The following TMCC1 variants were observed in gnomAD, a reference collection of about 807,000 sequenced individuals.
The protein encoded by TMCC1 is transmembrane and coiled-coil domains protein 1.
In TMCC1, 15 loss-of-function variants were observed where a neutral mutation model predicts 52.4. The observed-to-expected ratio is 0.29, with a 90% CI of 0.19 to 0.44. The LOEUF (loss-of-function observed/expected upper bound fraction) is 0.44. Ranked by LOEUF, TMCC1 falls within the 20% of genes least tolerant of loss-of-function variation. The probability of loss-of-function intolerance (pLI) is 1.00; values close to 1 mark genes in which losing one functional copy is unlikely to be tolerated. For missense variants in TMCC1, 503 were observed against 806.0 expected (o/e 0.62, Z 4.55); for synonymous variants, 279 against 301.9 (o/e 0.92, Z 0.79).
intron 4 of TMCC1, among the ~76,000 whole-genome samples, chr3:129,700,235 T>TA (rs201086532): frequency 1.8e-4 from 27 of 149,694 alleles, no homozygotes; most frequent in South Asian, 1.1e-3. Flanking sequence ...AAAAGAAAAT[T>TA]AAAAAAAAAA....
intron 4 of TMCC1, among the ~76,000 whole-genome samples, chr3:129,725,108 C>A (rs1369114301): frequency 6.6e-6 from 1 of 152,152 alleles, no homozygotes; most frequent in East Asian, 1.9e-4. Flanking sequence ...GATAATCATA[C>A]AATTTCATTT....
chr3:129,856,828 T>C (rs746606734), intron 2 of TMCC1, among the ~76,000 whole-genome samples: 31 of 151,954 alleles, frequency 2.0e-4, no homozygotes, highest in Non-Finnish European at 3.5e-4. Context: ...AAAAGAAGAG[T>C]AAATATGTTG....
intron 2 of TMCC1, among the ~76,000 whole-genome samples, chr3:129,854,589 A>T (rs1286437000): frequency 6.6e-6 from 1 of 151,898 alleles, no homozygotes; most frequent in Non-Finnish European, 1.5e-5. Context: ...TGTTCAAGCC[A>T]TGCTAGCCTT....
chr3:129,775,399 C>T (rs939677438), intron 4 of TMCC1, among the ~76,000 whole-genome samples: 3 of 151,970 alleles, frequency 2.0e-5, no homozygotes, highest in African/African-American at 7.3e-5. Context: ...CCCAAGAGTT[C>T]AAGGCTGCAG....
chr3:129,683,974 C>T (rs1261454433), intron 4 of TMCC1, among the ~76,000 whole-genome samples: 2 of 152,090 alleles, frequency 1.3e-5, no homozygotes, highest in Non-Finnish European at 2.9e-5. Context: ...GCTTTTTGTA[C>T]AACAGAATAA....
intron 4 of TMCC1, among the ~76,000 whole-genome samples, chr3:129,714,167 G>A (rs917136690): frequency 6.6e-6 from 1 of 152,142 alleles, no homozygotes; most frequent in Non-Finnish European, 1.5e-5. Flanking sequence ...AACTTCAACT[G>A]GGCATGAAAA....
intron 4 of TMCC1, among the ~76,000 whole-genome samples, chr3:129,787,144 ATTAG>A (rs2056096376): frequency 6.6e-6 from 1 of 152,218 alleles, no homozygotes; most frequent in South Asian, 2.1e-4. Flanking sequence ...ACAAAGGGAT[ATTAG>A]ATAATTCTTT....
intron 5 of TMCC1, among the ~76,000 whole-genome samples, chr3:129,658,884 C>T (rs1323716300): frequency 6.6e-6 from 1 of 152,036 alleles, no homozygotes; most frequent in Non-Finnish European, 1.5e-5. Context: ...TTAGAAAGAA[C>T]TTTCTAATAG....
intron 4 of TMCC1, among the ~76,000 whole-genome samples, chr3:129,783,559 A>G (rs2055721300): frequency 7.8e-6 from 1 of 128,546 alleles, no homozygotes; most frequent in African/African-American, 2.8e-5. Context: ...ACCAAAATAG[A>G]AAAAAAAAAG....
At chr3:129,863,106 C>A (rs915936360) in intron 2 of TMCC1, among the ~76,000 whole-genome samples, 8 of 152,130 alleles carry the variant, frequency 5.3e-5, no homozygotes, top group Non-Finnish European at 1.0e-4. Flanking sequence ...TGGAAAGGGA[C>A]ATAGGGAATT....
At chr3:129,687,579 T>C (rs2089493982) in intron 4 of TMCC1, among the ~76,000 whole-genome samples, 1 of 152,218 alleles carries the variant, frequency 6.6e-6, no homozygotes, top group South Asian at 2.1e-4. Flanking sequence ...AAAGGCTTCA[T>C]ATCAATAGAA....
chr3:129,845,559 T>C (rs2059626199), intron 2 of TMCC1, among the ~76,000 whole-genome samples: 1 of 152,186 alleles, frequency 6.6e-6, no homozygotes. Flanking sequence ...CATTGAAGTA[T>C]ATAAATCAGA....
intron 4 of TMCC1, among the ~76,000 whole-genome samples, chr3:129,816,989 C>A (rs2058128239): frequency 6.6e-6 from 1 of 152,038 alleles, no homozygotes; most frequent in Non-Finnish European, 1.5e-5. Context: ...GACTGTACCA[C>A]TGCACTCCAA....
At chr3:129,791,902 G>GT (rs2056492563) in intron 4 of TMCC1, among the ~76,000 whole-genome samples, 1 of 152,136 alleles carries the variant, frequency 6.6e-6, no homozygotes, top group Non-Finnish European at 1.5e-5. Context: ...AATATCCAGT[G>GT]TAAGTAAGCA....
chr3:129,879,949 G>GA (rs1480363163), intron 2 of TMCC1, among the ~76,000 whole-genome samples: 1 of 152,118 alleles, frequency 6.6e-6, no homozygotes, highest in African/African-American at 2.4e-5. Flanking sequence ...TGAGGTGGGG[G>GA]ATCACTTGAG....
intron 6 of TMCC1, among the ~76,000 whole-genome samples, chr3:129,652,408 G>T (rs972397639): frequency 1.3e-5 from 2 of 152,206 alleles, no homozygotes; most frequent in African/African-American, 4.8e-5. Context: ...TGATGGGAAA[G>T]AGGCTGGACA....
intron 4 of TMCC1, among the ~76,000 whole-genome samples, chr3:129,796,835 A>G (rs919455547): frequency 6.6e-6 from 1 of 152,232 alleles, no homozygotes; most frequent in Non-Finnish European, 1.5e-5. Flanking sequence ...ATCTCTAAAA[A>G]TAAAAACTAA....
chr3:129,795,516 G>A (rs1034894448), intron 4 of TMCC1, among the ~76,000 whole-genome samples: 3 of 152,098 alleles, frequency 2.0e-5, no homozygotes, highest in Non-Finnish European at 4.4e-5. Context: ...TATGTCATAT[G>A]CTACATTTAA....
intron 4 of TMCC1, among the ~76,000 whole-genome samples, chr3:129,705,397 G>A (rs1437245994): frequency 1.3e-5 from 2 of 152,110 alleles, no homozygotes; most frequent in Non-Finnish European, 2.9e-5. Context: ...GTGAGGCAGG[G>A]GAGTAGTGTG....
Sources: gnomAD v4.1 joint callset for allele counts (sites outside exome capture counted in the v4.1 genomes callset) on GRCh38, gnomAD v4.1.1 for gene constraint, MANE v1.5 for transcripts, NCBI Gene and HGNC (gene_info 2026-07-23, HGNC 2026-07-21) for gene names.